Variants in MGMT observed in about 807,000 individuals in gnomAD.
The protein encoded by MGMT is methylated-DNA--protein-cysteine methyltransferase.
Under a neutral mutation model 15.9 loss-of-function variants are expected in MGMT, and 14 were observed. The observed-to-expected ratio is 0.88, with a 90% CI of 0.58 to 1.37. MGMT has a LOEUF of 1.37. Ranked by LOEUF, MGMT falls within the 40% of genes most tolerant of loss-of-function variation. The probability of loss-of-function intolerance (pLI) is 0.00; values close to 1 mark genes in which losing one functional copy is unlikely to be tolerated. For missense variants in MGMT, 282 were observed against 268.1 expected, an observed-to-expected ratio of 1.05 and a Z score of -0.36; for synonymous variants, 130 against 118.2, an observed-to-expected ratio of 1.10 and a Z score of -0.65.
intron 1 of MGMT, among the ~76,000 whole-genome samples, chr10:129,513,873 G>A (rs7903489): frequency 0.15 from 23,565 of 152,170 alleles, 2,552 homozygotes; most frequent in African/African-American, 0.3. Flanking sequence ...GTGGGTAGTC[G>A]TAGAAGTGGA....
intron 2 of MGMT, among the ~76,000 whole-genome samples, chr10:129,612,914 T>C (rs1315794872): frequency 6.6e-6 from 1 of 152,222 alleles, no homozygotes; most frequent in Non-Finnish European, 1.5e-5. Context: ...TCTGTCCCCA[T>C]GTGCTTCTGG....
At chr10:129,679,304 G>T (rs1275118665) in intron 2 of MGMT, among the ~76,000 whole-genome samples, 5 of 151,924 alleles carry the variant, frequency 3.3e-5, no homozygotes, top group African/African-American at 1.2e-4. Context: ...GGTCCCCTCT[G>T]CTGTGGGACC....
chr10:129,652,299 G>C (rs563497433), intron 2 of MGMT, among the ~76,000 whole-genome samples: 1 of 152,224 alleles, frequency 6.6e-6, no homozygotes, highest in Non-Finnish European at 1.5e-5. Context: ...AGCAGCCCCC[G>C]AGCGGAGACG....
intron 2 of MGMT, among the ~76,000 whole-genome samples, chr10:129,558,921 G>C (rs908254854): frequency 6.6e-6 from 1 of 152,156 alleles, no homozygotes; most frequent in Non-Finnish European, 1.5e-5. Flanking sequence ...GGGCTGGTCT[G>C]TTCTGCTCTG....
chr10:129,665,291 C>G (rs1847646579), intron 2 of MGMT, among the ~76,000 whole-genome samples: 1 of 138,984 alleles, frequency 7.2e-6, no homozygotes, highest in African/African-American at 2.6e-5. Context: ...TCTCCCAACT[C>G]TCTCTCTCCC....
At chr10:129,547,770 G>A (rs1846113230) in intron 2 of MGMT, among the ~76,000 whole-genome samples, 1 of 152,206 alleles carries the variant, frequency 6.6e-6, no homozygotes, top group South Asian at 2.1e-4. Context: ...AGTGTTCATG[G>A]CTTCTGGCAG....
intron 2 of MGMT, among the ~76,000 whole-genome samples, chr10:129,647,228 G>A (rs1291562406): frequency 4.6e-5 from 7 of 152,206 alleles, no homozygotes; most frequent in East Asian, 1.9e-4. Flanking sequence ...CTGCTCACCC[G>A]CCCAGCGTTA....
chr10:129,484,455 A>T (rs990434275), intron 1 of MGMT, among the ~76,000 whole-genome samples: 1 of 152,164 alleles, frequency 6.6e-6, no homozygotes, highest in African/African-American at 2.4e-5. Flanking sequence ...TATGCTCCAT[A>T]TGGGCCTTTT....
rs150730791 is a variant in MGMT, at chr10:129,761,332, C to T, written c.414+1991C>T. Among the ~76,000 whole-genome samples the T allele has an allele frequency of 8.5e-3, 1,291 of 152,278 alleles. 24 individuals are homozygous for T. The highest frequency in any genetic ancestry group is 0.029 in the African/African-American group (1,216 of 41,530). Reference sequence around the variant, plus strand: ...ACACACATGAAGATGGGAGTGGCCCCGTCAGCGGGCGCCGACTGCTCGCTC... The same window carrying T: ...ACACACATGAAGATGGGAGTGGCCCTGTCAGCGGGCGCCGACTGCTCGCTC... On this transcript the variant is annotated intron_variant, in intron 4 of 4. Coordinates refer to ENST00000651593, the MANE Select transcript of MGMT (RefSeq NM_002412.5).
chr10:129,680,791 T>C (rs1410794013), intron 2 of MGMT, among the ~76,000 whole-genome samples: 1 of 152,198 alleles, frequency 6.6e-6, no homozygotes, highest in Non-Finnish European at 1.5e-5. Context: ...CCCGTGTGCC[T>C]GTGGCCCCTT....
chr10:129,645,435 T>G (rs1344667704), intron 2 of MGMT, among the ~76,000 whole-genome samples: 1 of 152,170 alleles, frequency 6.6e-6, no homozygotes, highest in African/African-American at 2.4e-5. Context: ...AGCCCACGTT[T>G]GGCAGGGTGG....
rs1848185067 is a variant in MGMT at position 129,707,950 on chromosome 10, C to T, written c.181C>T (p.Gln61Ter). ...AVLGGPEPLM[Q>*]CTAWLNAYFH... ...TCTCGGAGGTCCGGAGCCCCTGATG[C>T]AGTGCACAGCCTGGCTGAATGCCTA... The change falls in exon 3 of 5, where the codon CAG becomes TAG. Residue 61 changes from glutamine (Q) to a stop codon, truncating the protein, a stop_gained. Coordinates refer to ENST00000651593, the MANE Select transcript of MGMT (RefSeq NM_002412.5). LOFTEE classifies it high-confidence loss of function. The T allele has an allele frequency of 1.9e-6, 3 of 1,613,112 alleles. No homozygotes were observed. The highest frequency in any genetic ancestry group is 2.5e-6 in the Non-Finnish European group (3 of 1,180,030).
intron 2 of MGMT, among the ~76,000 whole-genome samples, chr10:129,642,795 T>C (rs2133091008): frequency 6.6e-6 from 1 of 152,246 alleles, no homozygotes; most frequent in East Asian, 1.9e-4. Context: ...GGCCGGGTAT[T>C]GTGGCTCACG....
chr10:129,516,926 C>T (rs1008626941), intron 1 of MGMT, among the ~76,000 whole-genome samples: 2 of 152,192 alleles, frequency 1.3e-5, no homozygotes, highest in African/African-American at 4.8e-5. Context: ...TATGCAGCAT[C>T]AAAATGTAAA....
At chr10:129,749,547 C>G (rs951960807) in intron 3 of MGMT, among the ~76,000 whole-genome samples, 2 of 152,174 alleles carry the variant, frequency 1.3e-5, no homozygotes, top group African/African-American at 2.4e-5. Context: ...TGGTCACTTA[C>G]AACTTTTGGC....
intron 2 of MGMT, among the ~76,000 whole-genome samples, chr10:129,569,507 G>T (rs1176667031): frequency 6.6e-6 from 1 of 152,146 alleles, no homozygotes. Context: ...CTCCCGACGT[G>T]CTGGGACGGC....
intron 2 of MGMT, among the ~76,000 whole-genome samples, chr10:129,635,899 G>T (rs1013971069): frequency 1.3e-5 from 2 of 152,178 alleles, no homozygotes; most frequent in Admixed American, 1.3e-4. Context: ...GCTGCAAGGA[G>T]CTCCTGCTGT....
chr10:129,656,807 A>G (rs906426191), intron 2 of MGMT, among the ~76,000 whole-genome samples: 5 of 152,048 alleles, frequency 3.3e-5, no homozygotes, highest in Middle Eastern at 3.2e-3. Context: ...ACTGAATACA[A>G]CGGGAGGCAG....
intron 2 of MGMT, among the ~76,000 whole-genome samples, chr10:129,685,771 C>G (rs759548122): frequency 6.6e-6 from 1 of 152,236 alleles, no homozygotes; most frequent in African/African-American, 2.4e-5. Context: ...CATTCATTAT[C>G]TCTGGAGATG....
Sources: allele counts gnomAD v4.1 joint callset (sites outside exome capture counted in the v4.1 genomes callset), GRCh38; gene constraint gnomAD v4.1.1; transcripts MANE v1.5; gene names NCBI Gene and HGNC (gene_info 2026-07-23, HGNC 2026-07-21).